PCDHA10: variants seen among roughly 807,000 people sequenced by gnomAD.
PCDHA10 encodes protocadherin alpha-10.
Under a neutral mutation model 61.2 loss-of-function variants are expected in PCDHA10, and 45 were observed. That is an observed-to-expected ratio of 0.74 (90% CI 0.58 to 0.94). PCDHA10 has a LOEUF of 0.94. Ranked by LOEUF, PCDHA10 falls within the 40% of genes least tolerant of loss-of-function variation. The pLI, the probability that PCDHA10 is intolerant of heterozygous loss-of-function variation, is 0.00. For missense variants in PCDHA10, 1,278 were observed against 1,236.2 expected (o/e 1.03, Z -0.51); for synonymous variants, 602 against 548.8 (o/e 1.10, Z -1.35).
At chr5:140,991,420 A>G (rs1413227137) in intron 3 of PCDHA10, among the ~76,000 whole-genome samples, 2 of 152,234 alleles carry the variant, frequency 1.3e-5, no homozygotes, top group Admixed American at 6.5e-5. Flanking sequence ...GCTATAACAA[A>G]TTAACCATAA....
At chr5:140,893,088 T>C (rs1340937679) in intron 1 of PCDHA10, among the ~76,000 whole-genome samples, 2 of 152,372 alleles carry the variant, frequency 1.3e-5, no homozygotes, top group African/African-American at 4.8e-5. Flanking sequence ...CATTCTTTTT[T>C]ATGGCTGGAT....
intron 1 of PCDHA10, chr5:140,883,371 T>C (rs2059578130): frequency 1.2e-6 from 2 of 1,614,152 alleles, no homozygotes; most frequent in East Asian, 4.5e-5. Flanking sequence ...CCTAGCGCCA[T>C]TATTGCCCTA....
At chr5:140,866,322 C>G (rs1235184378) in intron 1 of PCDHA10, 1 of 152,052 alleles carries the variant, frequency 6.6e-6, no homozygotes, top group Non-Finnish European at 1.5e-5. Context: ...TTCAGGGACC[C>G]TGAACTTGGC....
At chr5:140,869,765 A>G in intron 1 of PCDHA10, 1 of 1,613,282 alleles carries the variant, frequency 6.2e-7, no homozygotes, top group Non-Finnish European at 8.5e-7. Context: ...GGAAAACCAG[A>G]GCTTACTGGC....
At chr5:140,933,401 C>T (rs1382982699) in intron 1 of PCDHA10, among the ~76,000 whole-genome samples, 1 of 151,928 alleles carries the variant, frequency 6.6e-6, no homozygotes, top group African/African-American at 2.4e-5. Flanking sequence ...ATCTGGTTAC[C>T]ATCTACAGAT....
At chr5:140,889,144 A>G (rs2062119546) in intron 1 of PCDHA10, among the ~76,000 whole-genome samples, 1 of 151,794 alleles carries the variant, frequency 6.6e-6, no homozygotes, top group African/African-American at 2.4e-5. Flanking sequence ...TTTTCTTCCT[A>G]ATTTCTTCTT....
At chr5:140,976,597 G>A (rs1477005420) in intron 1 of PCDHA10, among the ~76,000 whole-genome samples, 1 of 152,062 alleles carries the variant, frequency 6.6e-6, no homozygotes, top group South Asian at 2.1e-4. Flanking sequence ...TTTGTGTTAA[G>A]GGGACCTAAA....
In PCDHA10 at chr5:140,857,171, G is replaced by A; in HGVS notation, c.1123G>A (p.Asp375Asn). The A allele has an allele frequency of 6.3e-7, 1 of 1,598,424 alleles. No homozygotes were observed. Among genetic ancestry groups the A allele is most frequent in the South Asian group, 1.1e-5 (1 of 90,516 alleles). The change falls in exon 1 of 4, where the codon GAC becomes AAC. Residue 375 changes from aspartate to asparagine, a missense_variant. Asp to Asn is a conservative substitution (Grantham distance 23). Coordinates refer to ENST00000307360, the MANE Select transcript of PCDHA10 (RefSeq NM_018901.4). ...GTVIALISVS[D>N]HDSGANGQVT... is the part of the protein sequence containing the mutation. ...CGTCATTGCCCTAATCAGCGTTTCT[G>A]ACCATGATTCAGGAGCCAACGGACA... is the stretch of plus-strand genomic sequence containing the variant.
At chr5:141,001,452 A>G (rs2098018922) in intron 3 of PCDHA10, among the ~76,000 whole-genome samples, 1 of 152,196 alleles carries the variant, frequency 6.6e-6, no homozygotes, top group Admixed American at 6.5e-5. Context: ...TCCACTGTCA[A>G]TTGAAGGACT....
intron 1 of PCDHA10, chr5:140,877,291 C>T (rs527823173): frequency 6.2e-7 from 1 of 1,613,932 alleles, no homozygotes; most frequent in Non-Finnish European, 8.5e-7. Context: ...TAACGCTTGG[C>T]TGTCCTACGA....
At chr5:140,866,711 G>A (rs1554160494) in intron 1 of PCDHA10, 1 of 152,110 alleles carries the variant, frequency 6.6e-6, no homozygotes, top group African/African-American at 2.4e-5. Flanking sequence ...ACGTGCACTA[G>A]TAAGACATTA....
rs56843453 is a variant in PCDHA10 at position 141,000,391 on chromosome 5, C to A, written c.2537-9236C>A. Reference sequence around the variant, plus strand: ...TCTCTCTCTCTCTCTCTCTCTCTCTCTCTCTATATATATATATATATATAT... The same window carrying A: ...TCTCTCTCTCTCTCTCTCTCTCTCTATCTCTATATATATATATATATATAT... On this transcript the variant is annotated intron_variant, in intron 3 of 3. Transcript: ENST00000307360. Among the ~76,000 whole-genome samples the A allele has an allele frequency of 8.6e-3, 487 of 56,544 alleles. 1 individual carries two copies. Among genetic ancestry groups the A allele is most frequent in the Non-Finnish European group, 9.4e-3 (310 of 32,842 alleles). The allele number at this position is 56,544 out of a possible 152,430, so 37.1% of individuals were successfully genotyped here.
intron 1 of PCDHA10, chr5:140,881,303 C>A: frequency 2.1e-6 from 2 of 962,604 alleles, no homozygotes; most frequent in Non-Finnish European, 2.5e-6. Flanking sequence ...GAAACTTTAA[C>A]CTCCTGGTTA....
intron 1 of PCDHA10, among the ~76,000 whole-genome samples, chr5:140,938,194 C>T (rs782229712): frequency 5.9e-5 from 9 of 152,206 alleles, no homozygotes; most frequent in South Asian, 2.1e-4. Context: ...AATCCTCCCA[C>T]GCCAGCCTCC....
Position 140,982,517 on chromosome 5 carries a change from A to T in PCDHA10, c.2490A>T (p.Pro830=), listed in dbSNP as rs990701966. The T allele has an allele frequency of 2.5e-5, 41 of 1,614,116 alleles. No individual in the cohort carries two copies. The highest frequency in any genetic ancestry group is 3.4e-5 in the Non-Finnish European group (40 of 1,180,048). Residue 830 remains proline, a synonymous_variant, in exon 3 of 4, where the codon CCA becomes CCT. Coordinates refer to ENST00000307360, the MANE Select transcript of PCDHA10 (RefSeq NM_018901.4). The part of the protein sequence containing the change: ...LEEAGILRAG[P]GGPDQQWPTV... ...AGGCTGGCATTCTACGGGCTGGTCC[A>T]GGAGGGCCTGATCAGCAGTGGCCAA...
rs1554262618 is a variant in PCDHA10, at chr5:141,009,958, C to T, written c.*21C>T. On this transcript the variant is annotated 3_prime_UTR_variant, in exon 4 of 4. Transcript: ENST00000307360. The stretch of plus-strand genomic sequence containing the variant: ...AGTGAGGTCCTCAAATGGAAACAAG[C>T]CACTTAGCCAGTTTTTGTAATAATG... 1.3e-6 allele frequency: 2 copies of T among 1,589,012 alleles called. No homozygotes were observed. The highest frequency in any genetic ancestry group is 1.7e-6 in the Non-Finnish European group (2 of 1,171,000).
intron 1 of PCDHA10, chr5:140,882,355 C>T: frequency 6.2e-7 from 1 of 1,614,166 alleles, no homozygotes; most frequent in African/African-American, 1.3e-5. Context: ...CGGGTAGTGG[C>T]CAGCTCCACT....
At chr5:140,883,379 C>G in intron 1 of PCDHA10, 1 of 1,614,182 alleles carries the variant, frequency 6.2e-7, no homozygotes, top group Non-Finnish European at 8.5e-7. Flanking sequence ...CATTATTGCC[C>G]TAATCAGTGT....
At chr5:140,884,006 C>A in intron 1 of PCDHA10, 1 of 1,613,022 alleles carries the variant, frequency 6.2e-7, no homozygotes, top group Non-Finnish European at 8.5e-7. Context: ...AGTGAGCGAG[C>A]TGATGCCGCG....
Sources: allele counts gnomAD v4.1 joint callset (sites outside exome capture counted in the v4.1 genomes callset), GRCh38; gene constraint gnomAD v4.1.1; transcripts MANE v1.5; gene names NCBI Gene and HGNC (gene_info 2026-07-23, HGNC 2026-07-21).